The following CHODL variants were observed in gnomAD, a reference collection of about 807,000 sequenced individuals.
CHODL encodes the protein transmembrane protein MT75.
A neutral mutation model predicts 34.5 loss-of-function variants in CHODL; 29 were observed. The ratio of observed to expected loss-of-function variants is 0.84; its 90% CI spans 0.63 to 1.15. The LOEUF is 1.15. Ranked by LOEUF, CHODL falls within the 50% of genes most tolerant of loss-of-function variation. The probability of loss-of-function intolerance (pLI) is 0.00; values close to 1 mark genes in which losing one functional copy is unlikely to be tolerated. For missense variants in CHODL, 332 were observed against 332.5 expected (o/e 1.00, Z 0.01); for synonymous variants, 125 against 116.1 (o/e 1.08, Z -0.49).
chr21:18,143,234 T>C (rs1399427396), intron 2 of CHODL, among the ~76,000 whole-genome samples: 4 of 152,182 alleles, frequency 2.6e-5, no homozygotes, highest in African/African-American at 9.6e-5. Flanking sequence ...AATCCATACA[T>C]ACTGAGAAAT....
upstream of CHODL, among the ~76,000 whole-genome samples, chr21:18,241,462 AGTT>A (rs1282007927): frequency 1.3e-5 from 2 of 152,210 alleles, no homozygotes; most frequent in African/African-American, 4.8e-5. Context: ...ATTAATGTAA[AGTT>A]GTAATAATTT....
chr21:18,108,691 C>T (rs74825933), intron 2 of CHODL, among the ~76,000 whole-genome samples: 3,740 of 152,194 alleles, frequency 0.025, 63 homozygotes, highest in Non-Finnish European at 0.04. Flanking sequence ...AAAATTTGGT[C>T]ATTCCACTGG....
chr21:18,094,226 A>G (rs936285613), intron 2 of CHODL, among the ~76,000 whole-genome samples: 4 of 152,062 alleles, frequency 2.6e-5, no homozygotes, highest in African/African-American at 9.7e-5. Flanking sequence ...TATAAAACAA[A>G]TATTATAGCT....
chr21:18,154,502 T>C (rs533105836), intron 2 of CHODL, among the ~76,000 whole-genome samples: 2 of 152,352 alleles, frequency 1.3e-5, no homozygotes, highest in East Asian at 3.9e-4. Context: ...CCTTTTCTTC[T>C]GTTAATCCAT....
intron 2 of CHODL, among the ~76,000 whole-genome samples, chr21:18,100,613 G>T (rs1251418626): frequency 6.6e-6 from 1 of 152,116 alleles, no homozygotes; most frequent in Non-Finnish European, 1.5e-5. Context: ...GTTTGAATTT[G>T]CTGCCTTTAG....
chr21:18,007,922 A>G (rs1027087676), intron 1 of CHODL, among the ~76,000 whole-genome samples: 1 of 152,214 alleles, frequency 6.6e-6, no homozygotes, highest in African/African-American at 2.4e-5. Flanking sequence ...AAACTGAGTG[A>G]GAAAACAGAG....
chr21:18,259,370 T>G (rs544889464), intron 3 of CHODL, among the ~76,000 whole-genome samples: 1 of 151,794 alleles, frequency 6.6e-6, no homozygotes, highest in Non-Finnish European at 1.5e-5. Context: ...AATTTTAAAG[T>G]GTGTAGCAAG....
At chr21:17,959,788 T>C (rs2063518885) in intron 1 of CHODL, among the ~76,000 whole-genome samples, 2 of 152,208 alleles carry the variant, frequency 1.3e-5, no homozygotes, top group African/African-American at 4.8e-5. Flanking sequence ...ATTTCCATAC[T>C]TAGGACAGTT....
intron 2 of CHODL, among the ~76,000 whole-genome samples, chr21:18,167,201 T>TTG (rs2073164867): frequency 7.4e-6 from 1 of 135,798 alleles, no homozygotes; most frequent in African/African-American, 2.7e-5. Flanking sequence ...CCATTCCCAT[T>TTG]TCTCTCTCTC....
At chr21:18,231,751 C>T (rs1214239833) in intron 2 of CHODL, among the ~76,000 whole-genome samples, 1 of 151,932 alleles carries the variant, frequency 6.6e-6, no homozygotes, top group African/African-American at 2.4e-5. Flanking sequence ...CAGGCCTTAA[C>T]CAAAGGGCCT....
At chr21:18,240,529 T>G (rs1299666064), upstream of CHODL, among the ~76,000 whole-genome samples, 4 of 152,148 alleles carry the variant, frequency 2.6e-5, no homozygotes, top group Non-Finnish European at 4.4e-5. Flanking sequence ...CAATTATGTA[T>G]CTAATAACTC....
In CHODL at chr21:18,121,911, C is replaced by A. The variant is rs1450198076; in HGVS notation, c.-45+93940C>A. The stretch of plus-strand genomic sequence containing the variant: ...TTTTTCTTATTTATTGTCCCCTTTT[C>A]CCATTTTTCGAAGTGTAAATTCCAT... On this transcript the variant is annotated intron_variant, in intron 2 of 6. Transcript: ENST00000400127. 2.0e-5 allele frequency among the ~76,000 whole-genome samples: 3 copies of A among 152,120 alleles called. No homozygotes were observed. The East Asian group carries it at 5.8e-4, about 29-fold the overall frequency.
intron 1 of CHODL, among the ~76,000 whole-genome samples, chr21:17,931,464 A>G (rs1284147544): frequency 6.6e-6 from 1 of 152,228 alleles, no homozygotes; most frequent in Non-Finnish European, 1.5e-5. Flanking sequence ...ATGAGAAGAA[A>G]CCAGTATAAG....
rs1555887739 is a variant in CHODL at position 18,265,310 on chromosome 21, C to CACATAT, written c.738-643_738-642insCATATA. 2.9e-3 allele frequency among the ~76,000 whole-genome samples: 427 copies of CACATAT among 147,202 alleles called. 2 individuals carry two copies. The highest frequency in any genetic ancestry group is 7.2e-3 in the Middle Eastern group (2 of 278). ...ATATACACACACACACACACACACA[C>CACATAT]ATATATATATATGATGGAATACTAC... On this transcript the variant is annotated intron_variant, in intron 5 of 5. Transcript: ENST00000299295.
chr21:18,120,848 C>T (rs1203774762), intron 2 of CHODL, among the ~76,000 whole-genome samples: 1 of 151,950 alleles, frequency 6.6e-6, no homozygotes, highest in Admixed American at 6.6e-5. Context: ...ATTGCCTGTG[C>T]CTTTCCATGT....
At chr21:17,946,232 A>G (rs567891171) in intron 1 of CHODL, among the ~76,000 whole-genome samples, 1 of 152,334 alleles carries the variant, frequency 6.6e-6, no homozygotes, top group East Asian at 1.9e-4. Flanking sequence ...CCTGGCTAAC[A>G]TGGTGAAACC....
intron 2 of CHODL, among the ~76,000 whole-genome samples, chr21:18,232,957 ATATATATATATATATG>A (rs887486304): frequency 1.4e-5 from 2 of 142,142 alleles, no homozygotes; most frequent in African/African-American, 5.5e-5. Context: ...ATATATATAT[ATATATATATATATATG>A]TATATATATG....
chr21:18,010,320 A>AAAAAG (rs2064006396), intron 1 of CHODL, among the ~76,000 whole-genome samples: 1 of 144,902 alleles, frequency 6.9e-6, no homozygotes, highest in Non-Finnish European at 1.5e-5. Context: ...AAAAAAAAAA[A>AAAAAG]AAGAAGAAAA....
At chr21:17,978,643 A>G (rs1464755848) in intron 1 of CHODL, among the ~76,000 whole-genome samples, 5 of 150,148 alleles carry the variant, frequency 3.3e-5, no homozygotes, top group South Asian at 2.2e-4. Flanking sequence ...GCGTGAACCC[A>G]GAAGGCGGAG....
Sources: allele counts gnomAD v4.1 joint callset (sites outside exome capture counted in the v4.1 genomes callset), GRCh38; gene constraint gnomAD v4.1.1; transcripts MANE v1.5; gene names NCBI Gene and HGNC (gene_info 2026-07-23, HGNC 2026-07-21).